ADAMDEC1: variants seen among roughly 807,000 people sequenced by gnomAD.
ADAMDEC1 encodes the protein ADAM like decysin 1, also known as ADAM DEC1.
ADAMDEC1 carries 62 observed loss-of-function variants against 60.4 expected under a neutral mutation model. The ratio of observed to expected loss-of-function variants is 1.03; its 90% CI spans 0.84 to 1.27. The LOEUF (loss-of-function observed/expected upper bound fraction) is 1.27. Among genes scored for constraint, ADAMDEC1 ranks in the 50% most tolerant of loss-of-function variants. The probability of loss-of-function intolerance (pLI) is 0.00; values close to 1 mark genes in which losing one functional copy is unlikely to be tolerated. For synonymous variants in ADAMDEC1, 210 were observed against 195.1 expected, an observed-to-expected ratio of 1.08 and a Z score of -0.64; for missense variants, 595 against 565.0, an observed-to-expected ratio of 1.05 and a Z score of -0.54.
intron 4 of ADAMDEC1, among the ~76,000 whole-genome samples, 169 bp downstream of exon 4, chr8:24,394,316 CA>C (rs1420485231): frequency 6.6e-6 from 1 of 152,156 alleles, no homozygotes; most frequent in East Asian, 1.9e-4. Context: ...TATCTATGAT[CA>C]ATGAGACAAC....
intron 2 of ADAMDEC1, among the ~76,000 whole-genome samples, chr8:24,392,900 T>TTG (rs1817485897): frequency 6.8e-6 from 1 of 147,694 alleles, no homozygotes; most frequent in Non-Finnish European, 1.5e-5. Context: ...TTTTTTTTTT[T>TTG]TTTTTTTTTT....
At chr8:24,389,553 T>C (rs1357328445) in intron 1 of ADAMDEC1, among the ~76,000 whole-genome samples, 1 of 152,120 alleles carries the variant, frequency 6.6e-6, no homozygotes, top group African/African-American at 2.4e-5. Context: ...GACAGGGCAA[T>C]CTTATTAAAC....
Position 24,399,345 on chromosome 8 carries a change from T to C in ADAMDEC1, c.930-48T>C, listed in dbSNP as rs1250736401. ...TAATGTAATTAACAAAAGCTAATGGTTACAAAGACTCAGATTGTGACAGTA... is the reference window on the plus strand; with the variant it reads ...TAATGTAATTAACAAAAGCTAATGGCTACAAAGACTCAGATTGTGACAGTA... On this transcript the variant is annotated intron_variant, in intron 9 of 13. Coordinates refer to ENST00000256412, the MANE Select transcript of ADAMDEC1 (RefSeq NM_014479.3). 2.6e-6 allele frequency: 4 copies of C among 1,558,004 alleles called. No homozygotes were observed. In the South Asian group the frequency reaches 4.5e-5, roughly 17 times the overall value.
At chr8:24,397,553 G>A in intron 6 of ADAMDEC1, 97 bp downstream of exon 6, 1 of 1,485,682 alleles carries the variant, frequency 6.7e-7, no homozygotes, top group East Asian at 2.3e-5. Context: ...ATGTGTATGT[G>A]TCAAGCCTAT....
At chr8:24,402,227 C>A in intron 12 of ADAMDEC1, 135 bp downstream of exon 12, 1 of 764,792 alleles carries the variant, frequency 1.3e-6, no homozygotes, top group Non-Finnish European at 2.0e-6. Context: ...TGTGTTTTTG[C>A]TACTGAATTT....
chr8:24,400,642 T>TTTCATAATATATTTCATA (rs1283131700), intron 11 of ADAMDEC1, among the ~76,000 whole-genome samples: 3 of 151,230 alleles, frequency 2.0e-5, no homozygotes, highest in African/African-American at 7.3e-5. Context: ...CATATATATA[T>TTTCATAATATATTTCATA]ATATATATAT....
intron 1 of ADAMDEC1, among the ~76,000 whole-genome samples, chr8:24,391,376 A>C (rs79203943): frequency 0.023 from 3,563 of 152,272 alleles, 134 homozygotes; most frequent in African/African-American, 0.082. Context: ...GGTACTAAAT[A>C]ATTTTATATA....
intron 1 of ADAMDEC1, among the ~76,000 whole-genome samples, chr8:24,389,375 T>G (rs1585802584): frequency 2.0e-5 from 3 of 152,286 alleles, no homozygotes; most frequent in Admixed American, 2.0e-4. Flanking sequence ...CCAATTCTAT[T>G]GATTTCACCT....
rs529078748 is a variant in ADAMDEC1 at position 24,393,321 on chromosome 8, C to T, written c.267C>T (p.Leu89=). The change falls in exon 3 of 14, where the codon CTC becomes CTT. Residue 89 remains leucine (L), a synonymous_variant. Coordinates refer to ENST00000256412, the MANE Select transcript of ADAMDEC1 (RefSeq NM_014479.3). The part of the protein sequence containing the change: ...QMILNGEEII[L]SLQKTKHLLG... Reference sequence around the variant, plus strand: ...TCTTAAATGGAGAAGAAATCATTCTCTCCCTACAAAAAACCAAGTAAGTTG... The same window carrying T: ...TCTTAAATGGAGAAGAAATCATTCTTTCCCTACAAAAAACCAAGTAAGTTG... 4.4e-6 allele frequency: 7 copies of T among 1,604,076 alleles called. No homozygotes were observed. Among genetic ancestry groups the T allele is most frequent in the Non-Finnish European group, 6.0e-6 (7 of 1,173,644 alleles).
At position 24,384,335 on chromosome 8, in the gene ADAMDEC1, G is replaced by C; in HGVS notation, c.-170G>C. On this transcript the variant is annotated 5_prime_UTR_variant, in exon 1 of 14. Transcript: ENST00000256412. Reference sequence around the variant, plus strand: ...ACCACAGCCATAAATATCTCTCAAAGATGAGGAACATTCTCATGATGTTGA... The same window carrying C: ...ACCACAGCCATAAATATCTCTCAAACATGAGGAACATTCTCATGATGTTGA... 8.5e-6 allele frequency: 5 copies of C among 588,436 alleles called. No homozygotes were observed. The East Asian group carries it at 1.5e-4, about 17-fold the overall frequency. The allele number at this position is 588,436 out of a possible 1,614,324, so 36.5% of individuals were successfully genotyped here.
chr8:24,393,827 T>C (rs113828322), intron 3 of ADAMDEC1, among the ~76,000 whole-genome samples: 8 of 152,274 alleles, frequency 5.3e-5, no homozygotes, highest in African/African-American at 1.7e-4. Flanking sequence ...AAATTACTAA[T>C]TTGAAGATAG....
chr8:24,402,200 A>G, intron 12 of ADAMDEC1, 108 bp downstream of exon 12: 1 of 1,028,340 alleles, frequency 9.7e-7, no homozygotes, highest in Non-Finnish European at 1.4e-6. Context: ...ATCGTAGTTA[A>G]AAAGGAGATT....
intron 5 of ADAMDEC1, 123 bp downstream of exon 5, chr8:24,395,919 T>A: frequency 1.4e-6 from 1 of 706,508 alleles, no homozygotes; most frequent in African/African-American, 1.8e-5. Context: ...GCTGAATATA[T>A]GTGGTTAAAG....
chr8:24,393,484 C>T, intron 3 of ADAMDEC1, 146 bp downstream of exon 3: 1 of 476,220 alleles, frequency 2.1e-6, no homozygotes. Context: ...GCTAAAAAGG[C>T]TGATTTCCTA....
At chr8:24,392,215 C>T (rs1360975973) in intron 1 of ADAMDEC1, 47 bp from the exon 2 acceptor site, 1 of 1,473,036 alleles carries the variant, frequency 6.8e-7, no homozygotes. Flanking sequence ...ACGACTAAAA[C>T]CAAAACCTTT....
chr8:24,402,114 G>A (rs1471311951), intron 12 of ADAMDEC1, 22 bp downstream of exon 12: 5 of 1,547,008 alleles, frequency 3.2e-6, no homozygotes, highest in East Asian at 2.3e-5. Flanking sequence ...TAGAATTATT[G>A]GGGCAGAAGA....
chr8:24,395,682 A>C, intron 4 of ADAMDEC1, 38 bp from the exon 5 acceptor site: 1 of 1,415,134 alleles, frequency 7.1e-7, no homozygotes, highest in Non-Finnish European at 1.0e-6. Context: ...ACACACACAC[A>C]CACATTTCTG....
At chr8:24,395,561 C>G (rs114138385) in intron 4 of ADAMDEC1, among the ~76,000 whole-genome samples, 159 bp from the exon 5 acceptor site, 3,908 of 152,222 alleles carry the variant, frequency 0.026, 164 homozygotes, top group African/African-American at 0.09. Context: ...GAGGATTGGT[C>G]TGGCCACAGT....
chr8:24,398,851 G>A (rs750985372), intron 8 of ADAMDEC1, 23 bp from the exon 9 acceptor site: 12 of 1,606,046 alleles, frequency 7.5e-6, no homozygotes, highest in Non-Finnish European at 1.0e-5. Context: ...ACATTTTTAT[G>A]AAGATAAATG....
Sources: allele counts gnomAD v4.1 joint callset (sites outside exome capture counted in the v4.1 genomes callset), GRCh38; gene constraint gnomAD v4.1.1; transcripts MANE v1.5; gene names NCBI Gene and HGNC (gene_info 2026-07-23, HGNC 2026-07-21).